Variants in KIF26B observed in about 807,000 individuals in gnomAD.
The protein encoded by KIF26B is kinesin-like protein KIF26B.
A neutral mutation model predicts 151.2 loss-of-function variants in KIF26B; 63 were observed. That is an observed-to-expected ratio of 0.42 (90% CI 0.34 to 0.51). The LOEUF is 0.51. Ranked by LOEUF, KIF26B falls within the 20% of genes least tolerant of loss-of-function variation. KIF26B has a pLI of 0.07. For missense variants in KIF26B, 2,813 were observed against 2,913.6 expected (o/e 0.97, Z 0.79); for synonymous variants, 1,357 against 1,262.1 (o/e 1.08, Z -1.59).
Position 245,478,489 on chromosome 1 carries a change from G to A in KIF26B, c.1166+58744G>A, listed in dbSNP as rs950885589. Among the ~76,000 whole-genome samples the A allele has an allele frequency of 6.2e-5, 9 of 145,186 alleles. 1 individual carries two copies. The highest frequency in any genetic ancestry group is 4.2e-4 in the Admixed American group (6 of 14,220). ...GTCGCCCAGGCTGGAGTGCGGTGGC[G>A]CGATCTCGGCTCACTGCAAGCTCCG... On this transcript the variant is annotated intron_variant, in intron 4 of 14. Coordinates refer to ENST00000407071, the MANE Select transcript of KIF26B (RefSeq NM_018012.4).
rs554068265 is a variant in KIF26B at position 245,405,247 on chromosome 1, A to C, written c.1000-14332A>C. ...TGTGAAAGTCTAGATGATCAGCCTC[A>C]TGGAGTAAGGGATCCGAACCTCCAA... On this transcript the variant is annotated intron_variant, in intron 3 of 14. Transcript: ENST00000407071. 1.6e-4 allele frequency among the ~76,000 whole-genome samples: 25 copies of C among 152,336 alleles called. No individual in the cohort carries two copies. In the South Asian group the frequency reaches 5.2e-3, roughly 32 times the overall value.
At chr1:245,350,167 A>G (rs1174347283) in intron 2 of KIF26B, among the ~76,000 whole-genome samples, 2 of 152,002 alleles carry the variant, frequency 1.3e-5, no homozygotes, top group South Asian at 2.1e-4. Flanking sequence ...AGTCTGGGGT[A>G]GCTTAGCTTG....
At chr1:245,345,656 T>C (rs1672438005) in intron 2 of KIF26B, among the ~76,000 whole-genome samples, 2 of 152,044 alleles carry the variant, frequency 1.3e-5, no homozygotes, top group South Asian at 2.1e-4. Flanking sequence ...CTAAGCACCG[T>C]TCCCCTTGCT....
At chr1:245,175,018 C>T (rs1335396225) in intron 2 of KIF26B, among the ~76,000 whole-genome samples, 2 of 152,170 alleles carry the variant, frequency 1.3e-5, no homozygotes, top group Admixed American at 6.5e-5. Context: ...AAACCACTCT[C>T]GTGGACTGTG....
intron 4 of KIF26B, among the ~76,000 whole-genome samples, chr1:245,481,302 C>T (rs1186474752): frequency 1.3e-5 from 2 of 151,884 alleles, no homozygotes; most frequent in Non-Finnish European, 2.9e-5. Flanking sequence ...GCCACCAGCC[C>T]AGCTGGCAAC....
At chr1:245,378,300 C>T (rs1673323650) in intron 3 of KIF26B, among the ~76,000 whole-genome samples, 1 of 149,670 alleles carries the variant, frequency 6.7e-6, no homozygotes, top group Admixed American at 6.6e-5. Context: ...ACTTACCATC[C>T]CTCCCCCTTT....
At chr1:245,204,443 G>A (rs1025871634) in intron 2 of KIF26B, among the ~76,000 whole-genome samples, 3 of 151,328 alleles carry the variant, frequency 2.0e-5, no homozygotes, top group Non-Finnish European at 2.9e-5. Context: ...GTGCGATCTC[G>A]GCTCACCGCA....
At chr1:245,181,869 G>A (rs190125142) in intron 2 of KIF26B, among the ~76,000 whole-genome samples, 6 of 152,224 alleles carry the variant, frequency 3.9e-5, no homozygotes, top group Non-Finnish European at 8.8e-5. Context: ...CCGTGCTAAT[G>A]CTAGCTAATG....
intron 10 of KIF26B, among the ~76,000 whole-genome samples, chr1:245,654,918 G>A (rs1163661667): frequency 2.0e-5 from 3 of 152,258 alleles, no homozygotes; most frequent in Non-Finnish European, 4.4e-5. Flanking sequence ...GGGCTGGCAA[G>A]TGAGATCACG....
intron 8 of KIF26B, among the ~76,000 whole-genome samples, chr1:245,610,527 T>G (rs1430049566): frequency 1.3e-5 from 2 of 152,240 alleles, no homozygotes; most frequent in Non-Finnish European, 2.9e-5. Flanking sequence ...ATCACTGTTC[T>G]GAGGCATCAA....
intron 9 of KIF26B, among the ~76,000 whole-genome samples, chr1:245,637,516 G>C (rs960083282): frequency 2.6e-5 from 4 of 151,896 alleles, no homozygotes; most frequent in African/African-American, 9.7e-5. Context: ...TTTTTAGCTT[G>C]ATGTAATCCC....
intron 2 of KIF26B, among the ~76,000 whole-genome samples, chr1:245,331,802 T>C (rs1672120857): frequency 6.6e-6 from 1 of 152,204 alleles, no homozygotes; most frequent in Non-Finnish European, 1.5e-5. Flanking sequence ...TGCAGGGATT[T>C]TTAAAAAGTG....
rs181424070 is a variant in KIF26B at position 245,379,226 on chromosome 1, G to A, written c.999+11859G>A. 2.3e-3 allele frequency among the ~76,000 whole-genome samples: 350 copies of A among 152,266 alleles called. 2 individuals carry two copies. The highest frequency in any genetic ancestry group is 5.3e-4 in the Non-Finnish European group (36 of 68,032). ...TGTACATCACATCTCGTGTGAGAAT[G>A]TCATATTTTAAGTAGATGTGATCTC... On this transcript the variant is annotated intron_variant, in intron 3 of 14. Coordinates refer to ENST00000407071, the MANE Select transcript of KIF26B (RefSeq NM_018012.4).
Position 245,156,647 on chromosome 1 carries a change from C to T in KIF26B, c.429C>T (p.Ala143=), listed in dbSNP as rs1276875258. The change falls in exon 2 of 15, where the codon GCC becomes GCT. Residue 143 remains alanine, a synonymous_variant. Transcript: ENST00000407071. The part of the protein sequence containing the change: ...NARLVELKRQ[A]LRLLLPGPFP... The stretch of plus-strand genomic sequence containing the variant: ...GCCTGGTGGAGCTCAAGAGGCAGGC[C>T]CTGAGGTTGCTCCTCCCGGGGCCCT... 2.0e-6 allele frequency: 3 copies of T among 1,516,752 alleles called. No homozygotes were observed. Among genetic ancestry groups the T allele is most frequent in the Non-Finnish European group, 2.6e-6 (3 of 1,139,594 alleles). The allele number at this position is 1,516,752 out of a possible 1,614,324, so 94.0% of individuals were successfully genotyped here. A position where few individuals can be genotyped will look rare whatever the true frequency, so the allele number is the denominator to read the frequency against.
At chr1:245,463,252 T>G (rs182249619) in intron 4 of KIF26B, among the ~76,000 whole-genome samples, 5 of 152,250 alleles carry the variant, frequency 3.3e-5, no homozygotes, top group Non-Finnish European at 2.9e-5. Context: ...TCAATCCCAC[T>G]AGGTAGGGAT....
intron 2 of KIF26B, among the ~76,000 whole-genome samples, chr1:245,169,321 G>A (rs1668665637): frequency 1.4e-5 from 2 of 145,810 alleles, no homozygotes; most frequent in Admixed American, 7.0e-5. Context: ...ACTTTCTAAC[G>A]GGCCATGGTG....
intron 3 of KIF26B, among the ~76,000 whole-genome samples, chr1:245,387,936 G>A (rs73134864): frequency 0.049 from 7,391 of 152,158 alleles, 603 homozygotes; most frequent in African/African-American, 0.17. Context: ...CCTGGGCTGC[G>A]TTTACTAACT....
Position 245,662,945 on chromosome 1 carries a change from T to C in KIF26B, c.2258+16665T>C, listed in dbSNP as rs76270023. Among the ~76,000 whole-genome samples the C allele has an allele frequency of 6.4e-3, 952 of 147,968 alleles. 9 individuals are homozygous for C. The highest frequency in any genetic ancestry group is 0.023 in the African/African-American group (919 of 39,896). ...CAGAGGGCTCCAGAGAGCTCTTGCT[T>C]GCTCTCAGGTCACCTCTGTCTTTTT... On this transcript the variant is annotated intron_variant, in intron 10 of 14. Transcript: ENST00000407071.
chr1:245,429,796 G>T (rs1319533563), intron 4 of KIF26B, among the ~76,000 whole-genome samples: 2 of 152,100 alleles, frequency 1.3e-5, no homozygotes, highest in Non-Finnish European at 2.9e-5. Flanking sequence ...GTATTTTTTA[G>T]TAGAGATGGG....
Sources: gnomAD v4.1 joint callset for allele counts (sites outside exome capture counted in the v4.1 genomes callset) on GRCh38, gnomAD v4.1.1 for gene constraint, MANE v1.5 for transcripts, NCBI Gene and HGNC (gene_info 2026-07-23, HGNC 2026-07-21) for gene names.